CAB39: variants seen among roughly 807,000 people sequenced by gnomAD.
The protein encoded by CAB39 is calcium binding protein 39.
A neutral mutation model predicts 40.0 loss-of-function variants in CAB39; 8 were observed. That is an observed-to-expected ratio of 0.20 (90% confidence interval 0.12 to 0.36). The LOEUF is 0.36. Ranked by LOEUF, CAB39 falls within the 10% of genes least tolerant of loss-of-function variation. CAB39 has a pLI of 1.00. For missense variants in CAB39, 270 were observed against 401.1 expected (o/e 0.67, Z 2.79); for synonymous variants, 156 against 141.6 (o/e 1.10, Z -0.72).
intron 1 of CAB39, among the ~76,000 whole-genome samples, chr2:230,731,932 A>T (rs1174954512): frequency 6.6e-6 from 1 of 152,204 alleles, no homozygotes; most frequent in South Asian, 2.1e-4. Context: ...AAATGTTCCA[A>T]CAAGTCCAGT....
At chr2:230,721,586 C>T (rs954327348) in intron 1 of CAB39, among the ~76,000 whole-genome samples, 4 of 152,180 alleles carry the variant, frequency 2.6e-5, no homozygotes, top group African/African-American at 9.7e-5. Flanking sequence ...ATCCCCTTTT[C>T]GCAGATAAGT....
chr2:230,732,421 T>G (rs1479418914), intron 1 of CAB39, among the ~76,000 whole-genome samples: 1 of 152,160 alleles, frequency 6.6e-6, no homozygotes, highest in East Asian at 1.9e-4. Flanking sequence ...TTCAGGTTTA[T>G]CAGTCAGTTT....
chr2:230,783,050 G>A (rs1011220376), intron 2 of CAB39, among the ~76,000 whole-genome samples: 14 of 151,808 alleles, frequency 9.2e-5, no homozygotes, highest in South Asian at 2.1e-4. Flanking sequence ...GGATGGTCTC[G>A]ATCTCCTGAC....
At chr2:230,783,913 T>G (rs1407844685) in intron 2 of CAB39, among the ~76,000 whole-genome samples, 1 of 152,242 alleles carries the variant, frequency 6.6e-6, no homozygotes, top group African/African-American at 2.4e-5. Context: ...ATGCTGATTT[T>G]CAGCCATTCA....
intron 4 of CAB39, among the ~76,000 whole-genome samples, chr2:230,794,962 A>G (rs776192944): frequency 8.5e-5 from 13 of 152,274 alleles, no homozygotes; most frequent in Non-Finnish European, 1.9e-4. Flanking sequence ...CAAAAATGGC[A>G]TTTTACAGTT....
rs189905375 is a variant in CAB39, at chr2:230,725,065, G to A, written c.-44+11835G>A. ...TACAACAATAGCAATCTTTTCCTTC[G>A]TAGAGGACAGGGGAGGAGTCCCTAC... is the stretch of plus-strand genomic sequence containing the variant. On this transcript the variant is annotated intron_variant, in intron 1 of 8. Transcript: ENST00000258418. 2.8e-3 allele frequency: 4,207 copies of A among 1,508,566 alleles called. 10 individuals are homozygous for A. Among genetic ancestry groups the A allele is most frequent in the Non-Finnish European group, 3.7e-3 (4,058 of 1,090,710 alleles). 93.4% of individuals were successfully genotyped at this position (1,508,566 alleles called of 1,614,324 possible).
chr2:230,763,206 G>A (rs770382320), intron 2 of CAB39, among the ~76,000 whole-genome samples: 4 of 152,214 alleles, frequency 2.6e-5, no homozygotes, highest in Middle Eastern at 3.4e-3. Context: ...GAAAATCTCC[G>A]TGTCTGGCTT....
At chr2:230,800,925 C>T (rs1051466006) in intron 5 of CAB39, among the ~76,000 whole-genome samples, 6 of 151,940 alleles carry the variant, frequency 3.9e-5, no homozygotes, top group Non-Finnish European at 1.5e-5. Context: ...AGTGATGGAT[C>T]GCTATGGGTA....
chr2:230,732,981 A>G (rs1694721332), intron 1 of CAB39, among the ~76,000 whole-genome samples: 1 of 152,230 alleles, frequency 6.6e-6, no homozygotes, highest in East Asian at 1.9e-4. Flanking sequence ...AATTTTAAAT[A>G]TGGAATTTTT....
chr2:230,778,457 G>A (rs373986653), intron 2 of CAB39, among the ~76,000 whole-genome samples: 2 of 152,296 alleles, frequency 1.3e-5, no homozygotes, highest in African/African-American at 4.8e-5. Flanking sequence ...ATCAGCAATT[G>A]CCTCTAGTGA....
chr2:230,714,589 T>TA (rs1176513629), intron 1 of CAB39, among the ~76,000 whole-genome samples: 4 of 152,260 alleles, frequency 2.6e-5, no homozygotes, highest in African/African-American at 9.6e-5. Flanking sequence ...ATTACTAAGC[T>TA]AAACCTACAT....
At chr2:230,795,716 C>G (rs1280760230) in intron 4 of CAB39, among the ~76,000 whole-genome samples, 1 of 152,172 alleles carries the variant, frequency 6.6e-6, no homozygotes, top group Non-Finnish European at 1.5e-5. Flanking sequence ...TGCCTAGATT[C>G]AGAATGGCAG....
intron 2 of CAB39, among the ~76,000 whole-genome samples, chr2:230,780,557 T>C (rs191894937): frequency 1.4e-3 from 210 of 152,322 alleles, no homozygotes; most frequent in African/African-American, 4.8e-3. Context: ...TTCTGAGAAA[T>C]ACTAGTCAGC....
chr2:230,769,368 G>A (rs555034437), intron 2 of CAB39, among the ~76,000 whole-genome samples: 211 of 152,236 alleles, frequency 1.4e-3, no homozygotes, highest in African/African-American at 4.8e-3. Context: ...AAATCAGCAA[G>A]GATTTTCTAG....
intron 1 of CAB39, among the ~76,000 whole-genome samples, chr2:230,715,588 A>G (rs961208087): frequency 6.6e-6 from 1 of 152,232 alleles, no homozygotes; most frequent in African/African-American, 2.4e-5. Context: ...AGGGCCATCC[A>G]TATAGGTTAA....
chr2:230,714,208 C>T (rs925054835), intron 1 of CAB39: 1 of 152,154 alleles, frequency 6.6e-6, no homozygotes, highest in African/African-American at 2.4e-5. Flanking sequence ...GCTATTTGAG[C>T]AGCATTCTAA....
chr2:230,759,563 G>A (rs1695253697), intron 1 of CAB39, among the ~76,000 whole-genome samples: 2 of 152,170 alleles, frequency 1.3e-5, no homozygotes, highest in Non-Finnish European at 2.9e-5. Context: ...CAGTAAATAG[G>A]AGCAGGAGAT....
chr2:230,728,128 A>G (rs889230396), intron 1 of CAB39, among the ~76,000 whole-genome samples: 1 of 152,076 alleles, frequency 6.6e-6, no homozygotes, highest in Non-Finnish European at 1.5e-5. Flanking sequence ...AGTCCCAGCT[A>G]CTCGGCGGCT....
At chr2:230,818,470 C>T (rs369643805) in intron 8 of CAB39, 46 bp from the exon 9 acceptor site, 279 of 1,532,950 alleles carry the variant, frequency 1.8e-4, no homozygotes, top group East Asian at 7.0e-4. Flanking sequence ...GGTGTGGCTG[C>T]GTTTTGTCCT....
Sources: allele counts gnomAD v4.1 joint callset (sites outside exome capture counted in the v4.1 genomes callset), GRCh38; gene constraint gnomAD v4.1.1; transcripts MANE v1.5; gene names NCBI Gene and HGNC (gene_info 2026-07-23, HGNC 2026-07-21).